Variants in POLR3B observed in about 807,000 individuals in gnomAD.
POLR3B encodes the protein RNA polymerase III subunit B, also known as DNA-directed RNA polymerase III subunit RPC2.
In POLR3B, 96 loss-of-function variants were observed where a neutral mutation model predicts 147.4. The ratio of observed to expected loss-of-function variants is 0.65; its 90% CI spans 0.55 to 0.77. The LOEUF (loss-of-function observed/expected upper bound fraction) is 0.77. POLR3B is among the 30% of genes least tolerant of loss of function. The pLI is 0.00. For missense variants in POLR3B, 1,036 were observed against 1,413.5 expected (o/e 0.73, Z 4.28); for synonymous variants, 461 against 485.9 (o/e 0.95, Z 0.67).
At position 106,471,530 on chromosome 12, in the gene POLR3B, T is replaced by C. The variant is rs1346605617; in HGVS notation, c.2713+7910T>C. On this transcript the variant is annotated intron_variant, in intron 23 of 27. Transcript: ENST00000228347. Reference sequence around the variant, plus strand: ...GGTACCTCAGTTGGAAATGCAGAAATCCCCTGTCTTCTGCATCAATCTCCC... The same window carrying C: ...GGTACCTCAGTTGGAAATGCAGAAACCCCCTGTCTTCTGCATCAATCTCCC... Among the ~76,000 whole-genome samples the C allele has an allele frequency of 2.0e-5, 3 of 151,606 alleles. No individual in the cohort carries two copies. In the East Asian group the frequency reaches 5.8e-4, roughly 29 times the overall value.
chr12:106,502,928 A>G (rs1222408572), intron 26 of POLR3B, among the ~76,000 whole-genome samples: 2 of 152,200 alleles, frequency 1.3e-5, no homozygotes. Flanking sequence ...AGAAAAAGTT[A>G]TTACTTTGGT....
Position 106,459,278 on chromosome 12 carries a change from T to G in POLR3B, c.2480T>G (p.Leu827Arg). ...GAGAAAGTAGAAAACAAACAAGTGC[T>G]TGTAAATAAGTCCATGCCCACAGTG... is the stretch of plus-strand genomic sequence containing the variant. ...PGEKVENKQV[L>R]VNKSMPTVTQ... The change falls in exon 22 of 28, where the codon CTT becomes CGT. Residue 827 changes from leucine to arginine, a missense_variant. Transcript: ENST00000228347. 6.2e-7 allele frequency: 1 copy of G among 1,606,152 alleles called. No individual in the cohort carries two copies. Among genetic ancestry groups the G allele is most frequent in the Non-Finnish European group, 8.5e-7 (1 of 1,172,792 alleles).
intron 23 of POLR3B, among the ~76,000 whole-genome samples, chr12:106,469,254 G>A (rs1003582864): frequency 6.7e-6 from 1 of 148,698 alleles, no homozygotes; most frequent in Admixed American, 6.7e-5. Context: ...TCAGAGACCA[G>A]GATTGCAACC....
In POLR3B at chr12:106,459,253, G is replaced by T; in HGVS notation, c.2455G>T (p.Glu819Ter). ...TAACACTTTTCTTTTTTTCTCAGGTGAGAAAGTAGAAAACAAACAAGTGCT... is the reference window on the plus strand; with the variant it reads ...TAACACTTTTCTTTTTTTCTCAGGTTAGAAAGTAGAAAACAAACAAGTGCT... ...LDADGICSPG[E>*]KVENKQVLVN... The change falls in exon 22 of 28, where the codon GAG becomes TAG. Residue 819 changes from glutamate to a stop codon, truncating the protein, a stop_gained and splice_region_variant. Transcript: ENST00000228347. LOFTEE classifies it high-confidence loss of function. 1 of 1,555,264 alleles carries T rather than the reference G, an allele frequency of 6.4e-7. No individual in the cohort carries two copies.
intron 12 of POLR3B, among the ~76,000 whole-genome samples, chr12:106,417,316 G>T (rs1423409294): frequency 6.6e-6 from 1 of 152,172 alleles, no homozygotes; most frequent in Non-Finnish European, 1.5e-5. Flanking sequence ...GGTCAGTGTG[G>T]CTGGAGTGAG....
chr12:106,504,348 G>T lies in POLR3B; in HGVS notation c.3272+94G>T. 9.8e-7 allele frequency: 1 copy of T among 1,021,776 alleles called. No individual in the cohort carries two copies. Among genetic ancestry groups the T allele is most frequent in the Non-Finnish European group, 1.6e-6 (1 of 642,986 alleles). 63.3% of individuals were successfully genotyped at this position (1,021,776 alleles called of 1,614,324 possible). On this transcript the variant is annotated intron_variant, in intron 27 of 27. Coordinates refer to ENST00000228347, the MANE Select transcript of POLR3B (RefSeq NM_018082.6). This position sits in a 1 kb window ranked among gnomAD's most constrained non-coding sequence, Gnocchi z 4.6. The stretch of plus-strand genomic sequence containing the variant: ...CTGGATCCTATCCGCATATTCTCCA[G>T]CCTCTGTCTGTGATCACTAACATAC...
chr12:106,496,416 G>T, intron 24 of POLR3B: 1 of 611,898 alleles, frequency 1.6e-6, no homozygotes, highest in East Asian at 2.8e-5. Context: ...CTCAGCAAAA[G>T]AGAATCCCTT....
intron 9 of POLR3B, among the ~76,000 whole-genome samples, chr12:106,389,919 G>A (rs974249843): frequency 2.0e-5 from 3 of 152,114 alleles, no homozygotes; most frequent in Admixed American, 6.6e-5. Flanking sequence ...AAAAAAGTTG[G>A]CTGGGCGCGG....
At chr12:106,367,730 G>A (rs542736010) in intron 4 of POLR3B, among the ~76,000 whole-genome samples, 1 of 152,192 alleles carries the variant, frequency 6.6e-6, no homozygotes, top group Non-Finnish European at 1.5e-5. Context: ...ACTTGATTAA[G>A]GTAGGATCTT....
Position 106,509,760 on chromosome 12 carries a change from G to A in POLR3B, c.*211G>A. 2.0e-6 allele frequency: 1 copy of A among 489,752 alleles called. No individual in the cohort carries two copies. The highest frequency in any genetic ancestry group is 3.7e-6 in the Non-Finnish European group (1 of 267,644). The allele number at this position is 489,752 out of a possible 1,614,324, so 30.3% of individuals were successfully genotyped here. On this transcript the variant is annotated 3_prime_UTR_variant, in exon 28 of 28. Transcript: ENST00000228347. ...AGCCTCGAGCCATGGGAGAGATGCT[G>A]ACCATGTGGACTGCAAGGCTGCTTG... is the stretch of plus-strand genomic sequence containing the variant.
intron 20 of POLR3B, among the ~76,000 whole-genome samples, chr12:106,456,680 A>G (rs73186473): frequency 0.019 from 2,892 of 152,228 alleles, 35 homozygotes; most frequent in Non-Finnish European, 0.027. Context: ...GTTCAACACA[A>G]TTCTCAACTC....
chr12:106,404,660 C>T (rs986046320), intron 10 of POLR3B, among the ~76,000 whole-genome samples: 4 of 152,094 alleles, frequency 2.6e-5, no homozygotes, highest in African/African-American at 9.7e-5. Context: ...CTGGATGTAA[C>T]TTCCTTGTCA....
intron 12 of POLR3B, among the ~76,000 whole-genome samples, chr12:106,412,578 T>G (rs1219092395): frequency 6.6e-6 from 1 of 152,236 alleles, no homozygotes; most frequent in African/African-American, 2.4e-5. Context: ...TTCTTTCTGC[T>G]TCCTGATACT....
intron 12 of POLR3B, among the ~76,000 whole-genome samples, chr12:106,411,485 T>A (rs1015930589): frequency 6.6e-6 from 1 of 152,244 alleles, no homozygotes; most frequent in Admixed American, 6.5e-5. Context: ...TTTGTTGGGA[T>A]GTTTACCCTC....
At chr12:106,423,192 T>G (rs181531164) in intron 12 of POLR3B, among the ~76,000 whole-genome samples, 263 of 152,278 alleles carry the variant, frequency 1.7e-3, no homozygotes, top group African/African-American at 6.3e-3. Context: ...TGTACCCTTC[T>G]CAACTCTTTC....
At chr12:106,359,286 A>C (rs960456392) in intron 1 of POLR3B, among the ~76,000 whole-genome samples, 1 of 151,978 alleles carries the variant, frequency 6.6e-6, no homozygotes, top group Non-Finnish European at 1.5e-5. Flanking sequence ...CAACAGATTC[A>C]GTCTATAAGT....
chr12:106,378,015 C>T (rs2036704080), intron 7 of POLR3B, among the ~76,000 whole-genome samples: 1 of 152,168 alleles, frequency 6.6e-6, no homozygotes, highest in African/African-American at 2.4e-5. Flanking sequence ...TTGAGGTTAG[C>T]AGTCCGAGGT....
intron 2 of POLR3B, among the ~76,000 whole-genome samples, chr12:106,364,427 C>G (rs986733463): frequency 6.6e-6 from 1 of 152,176 alleles, no homozygotes. Context: ...ACTTGGCACC[C>G]GCTAGGATAG....
chr12:106,398,208 C>G (rs1024632081), intron 10 of POLR3B, among the ~76,000 whole-genome samples: 10 of 152,234 alleles, frequency 6.6e-5, no homozygotes, highest in Admixed American at 6.5e-5. Flanking sequence ...CTCGGAGGGT[C>G]CTATGCCCAC....
Sources: gnomAD v4.1 joint callset for allele counts (sites outside exome capture counted in the v4.1 genomes callset) on GRCh38, gnomAD v4.1.1 for gene constraint, Gnocchi (gnomAD v3.1) non-coding constraint, MANE v1.5 for transcripts, NCBI Gene and HGNC (gene_info 2026-07-23, HGNC 2026-07-21) for gene names.